Variants in CENPU observed in about 807,000 individuals in gnomAD.
CENPU encodes KSHV latent nuclear antigen interacting protein 1.
A neutral mutation model predicts 56.7 loss-of-function variants in CENPU; 46 were observed. The observed-to-expected ratio is 0.81, with a 90% CI of 0.64 to 1.04. The LOEUF is 1.04. Ranked by LOEUF, CENPU falls within the 50% of genes least tolerant of loss-of-function variation. CENPU has a pLI of 0.00. For synonymous variants in CENPU, 166 were observed against 163.0 expected, an observed-to-expected ratio of 1.02 and a Z score of -0.14; for missense variants, 510 against 490.1, an observed-to-expected ratio of 1.04 and a Z score of -0.38.
chr4:184,733,719 G>A (rs564471651), intron 1 of CENPU, among the ~76,000 whole-genome samples: 1 of 152,226 alleles, frequency 6.6e-6, no homozygotes, highest in African/African-American at 2.4e-5. Flanking sequence ...TTGCTTTCAA[G>A]CTAGCACTTT....
intron 4 of CENPU, 119 bp from the exon 5 acceptor site, chr4:184,717,315 G>T: frequency 1.4e-6 from 1 of 740,490 alleles, no homozygotes; most frequent in Non-Finnish European, 2.3e-6. Flanking sequence ...TATCCTATTT[G>T]TCACATACAA....
chr4:184,707,851 C>A (rs1284783188), intron 8 of CENPU, among the ~76,000 whole-genome samples: 1 of 152,108 alleles, frequency 6.6e-6, no homozygotes, highest in Non-Finnish European at 1.5e-5. Context: ...ATAGCTGATC[C>A]AGTAATTTGA....
intron 11 of CENPU, chr4:184,699,503 G>T: frequency 1.7e-6 from 2 of 1,191,050 alleles, no homozygotes; most frequent in Non-Finnish European, 2.2e-6. Flanking sequence ...CACACAGGAA[G>T]CTTGTAAATG....
At chr4:184,699,668 C>CTCT (rs10694027) in intron 11 of CENPU, 2,453 of 1,082,082 alleles carry the variant, frequency 2.3e-3, no homozygotes, top group Non-Finnish European at 2.5e-3. Flanking sequence ...GGCAGTCTCT[C>CTCT]TTTTTTTTTT....
At chr4:184,707,051 T>C (rs777841011) in intron 8 of CENPU, among the ~76,000 whole-genome samples, 7 of 151,270 alleles carry the variant, frequency 4.6e-5, no homozygotes, top group Non-Finnish European at 1.0e-4. Flanking sequence ...GTCTTGGGTG[T>C]GTTAACAGAA....
intron 8 of CENPU, among the ~76,000 whole-genome samples, chr4:184,706,593 G>A (rs1403465821): frequency 6.6e-6 from 1 of 152,180 alleles, no homozygotes; most frequent in African/African-American, 2.4e-5. Context: ...CTTATCATCA[G>A]TTCATACTGA....
Position 184,695,260 on chromosome 4 carries a change from A to G in CENPU, c.*28T>C, listed in dbSNP as rs375081091. On this transcript the variant is annotated 3_prime_UTR_variant, in exon 13 of 13. Transcript: ENST00000281453. ...GTAACAGCATGAGACTAGTCTTCCT[A>G]TAGGCACATTTTAGTAGACTGCTCT... 2 of 1,449,496 alleles carry G rather than the reference A, an allele frequency of 1.4e-6. No homozygotes were observed. Among genetic ancestry groups the G allele is most frequent in the Admixed American group, 1.7e-5 (1 of 59,722 alleles). The allele number at this position is 1,449,496 out of a possible 1,614,324, so 89.8% of individuals were successfully genotyped here.
chr4:184,699,662 G>T, intron 11 of CENPU: 4 of 1,208,034 alleles, frequency 3.3e-6, no homozygotes, highest in Non-Finnish European at 4.3e-6. Flanking sequence ...TCCTGTGGCA[G>T]TCTCTCTTTT....
At chr4:184,699,190 C>A (rs537507670) in intron 11 of CENPU, among the ~76,000 whole-genome samples, 1 of 152,014 alleles carries the variant, frequency 6.6e-6, no homozygotes, top group South Asian at 2.1e-4. Context: ...ATTAGCCGGG[C>A]ACAGTGGCAG....
chr4:184,733,446 T>TCAG (rs987058688), intron 1 of CENPU: 244 of 987,926 alleles, frequency 2.5e-4, no homozygotes, highest in Admixed American at 1.0e-3. Flanking sequence ...CGCCAACGAA[T>TCAG]CAGCGACCAG....
chr4:184,696,439 A>T (rs907223324), intron 12 of CENPU, among the ~76,000 whole-genome samples: 3 of 152,188 alleles, frequency 2.0e-5, no homozygotes, highest in Non-Finnish European at 4.4e-5. Flanking sequence ...CCTCGCTTTT[A>T]ACCAAAGTAT....
intron 8 of CENPU, among the ~76,000 whole-genome samples, chr4:184,704,600 T>G (rs1346688778): frequency 6.6e-6 from 1 of 151,612 alleles, no homozygotes; most frequent in Non-Finnish European, 1.5e-5. Context: ...TGAATATGAT[T>G]CCACCTTAAT....
chr4:184,725,656 C>T (rs1281776975), intron 3 of CENPU, among the ~76,000 whole-genome samples: 1 of 152,228 alleles, frequency 6.6e-6, no homozygotes, highest in East Asian at 1.9e-4. Flanking sequence ...GAGGTCACCT[C>T]ACAAAGTACC....
At chr4:184,732,413 ACGAT>A (rs1486319543) in intron 1 of CENPU, among the ~76,000 whole-genome samples, 1 of 152,176 alleles carries the variant, frequency 6.6e-6, no homozygotes, top group Non-Finnish European at 1.5e-5. Flanking sequence ...TAACAAGTTC[ACGAT>A]TTATTTATTT....
At position 184,694,903 on chromosome 4, in the gene CENPU, G is replaced by GT. The variant is rs1192364292; in HGVS notation, c.*384dup. The stretch of plus-strand genomic sequence containing the variant: ...TTTATTACTTTGCTTTCCAATTTTT[G>GT]TTTTTTACTTCTGTAAACCAATTTC... On this transcript the variant is annotated 3_prime_UTR_variant, in exon 13 of 13. Transcript: ENST00000281453. 1 of 857,106 alleles carries GT rather than the reference G, an allele frequency of 1.2e-6. No individual in the cohort carries two copies. 53.1% of individuals were successfully genotyped at this position (857,106 alleles called of 1,614,324 possible). A position where few individuals can be genotyped will look rare whatever the true frequency, so the allele number is the denominator to read the frequency against.
chr4:184,702,494 T>A, intron 8 of CENPU, 53 bp from the exon 9 acceptor site: 5 of 1,322,492 alleles, frequency 3.8e-6, no homozygotes, highest in Non-Finnish European at 5.3e-6. Flanking sequence ...TTGAAAGGTG[T>A]TTCATTTGCT....
chr4:184,723,070 G>C (rs1761333191), intron 4 of CENPU, among the ~76,000 whole-genome samples: 1 of 152,106 alleles, frequency 6.6e-6, no homozygotes, highest in Non-Finnish European at 1.5e-5. Context: ...ACTCCCAGTG[G>C]CACTGGGAGT....
intron 7 of CENPU, 47 bp downstream of exon 7, chr4:184,712,897 T>C (rs1270378717): frequency 1.6e-6 from 2 of 1,281,566 alleles, no homozygotes; most frequent in African/African-American, 1.5e-5. Flanking sequence ...TTATTTCTCT[T>C]ATGAAATTCC....
chr4:184,720,138 A>T (rs1761225789), intron 4 of CENPU, among the ~76,000 whole-genome samples: 1 of 152,118 alleles, frequency 6.6e-6, no homozygotes. Context: ...TCAAGATAAC[A>T]CAGAGAAGGA....
Sources: gnomAD v4.1 joint callset for allele counts (sites outside exome capture counted in the v4.1 genomes callset) on GRCh38, gnomAD v4.1.1 for gene constraint, MANE v1.5 for transcripts, NCBI Gene and HGNC (gene_info 2026-07-23, HGNC 2026-07-21) for gene names.